The following TARDBP variants were observed in gnomAD, a reference collection of about 807,000 sequenced individuals.
TARDBP encodes the protein TAR DNA binding protein, also known as TAR DNA-binding protein 43.
A neutral mutation model predicts 38.3 loss-of-function variants in TARDBP; 4 were observed. The observed-to-expected ratio is 0.10, with a 90% confidence interval of 0.05 to 0.24. The LOEUF is 0.24. Among genes scored for constraint, TARDBP ranks in the 10% least tolerant of loss-of-function variants. The pLI is 1.00. For synonymous variants in TARDBP, 184 were observed against 183.8 expected (o/e 1.00, Z -0.01); for missense variants, 202 against 521.9 (o/e 0.39, Z 5.97).
rs192716110 is a variant in TARDBP at position 11,019,077 on chromosome 1, C to T, written c.543+204C>T. 275 of 657,022 alleles carry T rather than the reference C, an allele frequency of 4.2e-4. 1 individual carries two copies. The African/African-American group carries it at 4.4e-3, about 11-fold the overall frequency. 40.7% of individuals were successfully genotyped at this position (657,022 alleles called of 1,614,324 possible). A position where few individuals can be genotyped will look rare whatever the true frequency, so the allele number is the denominator to read the frequency against. Reference sequence around the variant, plus strand: ...TAGTTTATTACTTCTCCAAACTAAACCTTTGTTCATTTTGTTCTTCCTTTT... The same window carrying T: ...TAGTTTATTACTTCTCCAAACTAAATCTTTGTTCATTTTGTTCTTCCTTTT... On this transcript the variant is annotated intron_variant, in intron 4 of 5. Transcript: ENST00000240185.
chr1:11,018,162 G>A (rs553608632), intron 3 of TARDBP, among the ~76,000 whole-genome samples: 104 of 152,222 alleles, frequency 6.8e-4, no homozygotes, highest in Non-Finnish European at 1.2e-3. Flanking sequence ...GATTACAGGC[G>A]TGAGCTACTG....
Position 11,013,696 on chromosome 1 carries a change from C to A in TARDBP, c.-12-20C>A, listed in dbSNP as rs1445927689. On this transcript the variant is annotated intron_variant, in intron 1 of 5. Coordinates refer to ENST00000240185, the MANE Select transcript of TARDBP (RefSeq NM_007375.4). ...TATTCTGACATGAATGTTGTTCATTCATATCTCTTTTCTCTTTAGGAAAAG... is the reference window on the plus strand; with the variant it reads ...TATTCTGACATGAATGTTGTTCATTAATATCTCTTTTCTCTTTAGGAAAAG... The A allele has an allele frequency of 3.9e-6, 6 of 1,550,872 alleles. No homozygotes were observed. The highest frequency in any genetic ancestry group is 2.3e-5 in the South Asian group (2 of 87,512).
Position 11,023,553 on chromosome 1 carries a change from G to A in TARDBP, c.*899G>A. On this transcript the variant is annotated 3_prime_UTR_variant, in exon 6 of 6. Coordinates refer to ENST00000240185, the MANE Select transcript of TARDBP (RefSeq NM_007375.4). ...TGGATATTTTTTAACTTGGCGAGATGTGTCTCTCAATCCTGTGGCTTTGGT... is the reference window on the plus strand; with the variant it reads ...TGGATATTTTTTAACTTGGCGAGATATGTCTCTCAATCCTGTGGCTTTGGT... 2.3e-6 allele frequency: 1 copy of A among 434,112 alleles called. No individual in the cohort carries two copies. The highest frequency in any genetic ancestry group is 4.1e-6 in the Non-Finnish European group (1 of 244,080). The allele number at this position is 434,112 out of a possible 1,614,324, so 26.9% of individuals were successfully genotyped here.
At position 11,023,354 on chromosome 1, in the gene TARDBP, A is replaced by G. The variant is rs2100858779; in HGVS notation, c.*700A>G. On this transcript the variant is annotated 3_prime_UTR_variant, in exon 6 of 6. Transcript: ENST00000240185. ...GGTGGGTGTCCCATTTTTATCCGCT[A>G]CTCTTTATTTCATGGAGTCGTATCA... The G allele has an allele frequency of 8.4e-7, 1 of 1,195,406 alleles. No homozygotes were observed. Among genetic ancestry groups the G allele is most frequent in the Admixed American group, 2.1e-5 (1 of 47,756 alleles). 74.0% of individuals were successfully genotyped at this position (1,195,406 alleles called of 1,614,324 possible).
chr1:11,013,992 C>T (rs1191123191), intron 2 of TARDBP, 27 bp downstream of exon 2: 1 of 1,607,730 alleles, frequency 6.2e-7, no homozygotes. Context: ...TTTTTGTAAT[C>T]ATGCTGAAGT....
intron 1 of TARDBP, among the ~76,000 whole-genome samples, chr1:11,013,217 A>G (rs1643446970): frequency 6.6e-6 from 1 of 152,214 alleles, no homozygotes; most frequent in Admixed American, 6.5e-5. Flanking sequence ...ACAGAGGGAA[A>G]CTTTTCTCCT....
chr1:11,020,363 C>T, intron 4 of TARDBP, 66 bp from the exon 5 acceptor site: 1 of 1,592,380 alleles, frequency 6.3e-7, no homozygotes, highest in Non-Finnish European at 8.6e-7. Context: ...ATATCCCTTA[C>T]CTTAATGTTT....
chr1:11,027,752 T>C, downstream of TARDBP: 2 of 1,224,208 alleles, frequency 1.6e-6, no homozygotes, highest in Admixed American at 2.6e-5. Context: ...CAACCAAAAA[T>C]TATATTACAT....
At chr1:11,017,334 C>G (rs1468872838) in intron 3 of TARDBP, among the ~76,000 whole-genome samples, 1 of 151,374 alleles carries the variant, frequency 6.6e-6, no homozygotes, top group Non-Finnish European at 1.5e-5. Context: ...CCTCCTGTAT[C>G]TGGGATTACA....
intron 3 of TARDBP, among the ~76,000 whole-genome samples, chr1:11,018,134 C>G (rs890543464): frequency 2.6e-5 from 4 of 152,010 alleles, no homozygotes; most frequent in Admixed American, 2.6e-4. Flanking sequence ...TGCCCGCCTC[C>G]GCCTCCCAAA....
chr1:11,013,923 G>T lies in TARDBP; in HGVS notation c.196G>T (p.Ala66Ser). 1 of 1,614,206 alleles carries T rather than the reference G, an allele frequency of 6.2e-7. No homozygotes were observed. Among genetic ancestry groups the T allele is most frequent in the Non-Finnish European group, 8.5e-7 (1 of 1,180,034 alleles). ...AGAAGGAATTCTGCATGCCCCAGAT[G>T]CTGGCTGGGGAAATCTGGTGTATGT... ...LVEGILHAPD[A>S]GWGNLVYVVN... The change falls in exon 2 of 6, where the codon GCT becomes TCT. Residue 66 changes from alanine (A) to serine (S), a missense_variant. Physicochemically the swap from Ala to Ser is moderately conservative, Grantham distance 99 (BLOSUM62 1). Around this residue, in one of 5 missense-constraint regions of TARDBP, gnomAD observed 71 missense variants for 185.4 expected, o/e 0.38. Transcript: ENST00000240185.
chr1:11,022,539 C>T lies in TARDBP; in HGVS notation c.1130C>T (p.Ser377Phe). 6.3e-7 allele frequency: 1 copy of T among 1,584,526 alleles called. No individual in the cohort carries two copies. Among genetic ancestry groups the T allele is most frequent in the Non-Finnish European group, 8.6e-7 (1 of 1,162,866 alleles). Residue 377 changes from serine to phenylalanine, a missense_variant, in exon 6 of 6, where the codon TCT (serine) becomes TTT (phenylalanine). This residue lies in a region of TARDBP where 107 missense variants were observed against 190.5 expected (regional missense o/e 0.56). Transcript: ENST00000240185. The surrounding 1 kb of genome is among the most constrained non-coding windows in gnomAD (Gnocchi z 4.5). ...TCTGGAAATAACTCTTATAGTGGCT[C>T]TAATTCTGGTGCAGCAATTGGTTGG... ...FGSGNNSYSG[S>F]NSGAAIGWGS...
At chr1:11,021,199 C>T (rs1470778285) in intron 5 of TARDBP, among the ~76,000 whole-genome samples, 2 of 150,930 alleles carry the variant, frequency 1.3e-5, no homozygotes, top group Non-Finnish European at 2.9e-5. Flanking sequence ...AGTGTGATGG[C>T]GCGATCTTGG....
At chr1:11,020,831 T>C (rs1237359688) in intron 5 of TARDBP, among the ~76,000 whole-genome samples, 2 of 152,002 alleles carry the variant, frequency 1.3e-5, no homozygotes, top group Non-Finnish European at 2.9e-5. Context: ...GGGGAATCGC[T>C]TGAACCCAGG....
intron 1 of TARDBP, 95 bp from the exon 2 acceptor site, chr1:11,013,621 G>A (rs1643458683): frequency 9.4e-7 from 1 of 1,060,074 alleles, no homozygotes; most frequent in Non-Finnish European, 1.4e-6. Context: ...CATTTTTCTG[G>A]AAGTCAGAAC....
chr1:11,013,980 G>A lies in TARDBP; in HGVS notation c.238+15G>A, dbSNP rs770967242. ...CTATCCAAAAGGTTTGTTACCATTT[G>A]GTTTTTGTAATCATGCTGAAGTGTG... is the stretch of plus-strand genomic sequence containing the variant. On this transcript the variant is annotated intron_variant, in intron 2 of 5. Coordinates refer to ENST00000240185, the MANE Select transcript of TARDBP (RefSeq NM_007375.4). The A allele has an allele frequency of 6.2e-7, 1 of 1,613,444 alleles. No individual in the cohort carries two copies. The highest frequency in any genetic ancestry group is 1.3e-5 in the African/African-American group (1 of 74,902).
chr1:11,026,988 A>G (rs746106772), downstream of TARDBP: 6 of 1,592,784 alleles, frequency 3.8e-6, no homozygotes, highest in Admixed American at 5.3e-5. Flanking sequence ...ACCCCAGGAC[A>G]CTATTCCTCC....
chr1:11,030,118 T>C, downstream of TARDBP: 1 of 1,286,726 alleles, frequency 7.8e-7, no homozygotes, highest in Non-Finnish European at 1.1e-6. Flanking sequence ...CCTCACTGTC[T>C]CCTACCCAGT....
downstream of TARDBP, chr1:11,027,320 A>G: frequency 6.2e-7 from 1 of 1,613,964 alleles, no homozygotes; most frequent in South Asian, 1.1e-5. Flanking sequence ...TATTGATTAC[A>G]ACTTTGTTAT....
Sources: gnomAD v4.1 joint callset for allele counts (sites outside exome capture counted in the v4.1 genomes callset) on GRCh38, gnomAD v4.1.1 for gene constraint, gnomAD v4.1.1 regional missense constraint, Gnocchi (gnomAD v3.1) non-coding constraint, MANE v1.5 for transcripts, NCBI Gene and HGNC (gene_info 2026-07-23, HGNC 2026-07-21) for gene names.